CHODL: variants seen among roughly 807,000 people sequenced by gnomAD.
CHODL encodes transmembrane protein MT75.
A neutral mutation model predicts 34.5 loss-of-function variants in CHODL; 29 were observed. The observed-to-expected ratio is 0.84, with a 90% confidence interval of 0.63 to 1.15. CHODL has a LOEUF of 1.15. CHODL is among the 50% of genes most tolerant of loss of function. The probability of loss-of-function intolerance (pLI) is 0.00; values close to 1 mark genes in which losing one functional copy is unlikely to be tolerated. For missense variants in CHODL, 332 were observed against 332.5 expected (o/e 1.00, Z 0.01); for synonymous variants, 125 against 116.1 (o/e 1.08, Z -0.49).
chr21:18,189,958 A>C (rs900611449), intron 2 of CHODL, among the ~76,000 whole-genome samples: 1 of 152,112 alleles, frequency 6.6e-6, no homozygotes, highest in African/African-American at 2.4e-5. Flanking sequence ...TTTAAAGTGC[A>C]ATAGAAAATA....
At chr21:17,974,540 G>A (rs533026633) in intron 1 of CHODL, among the ~76,000 whole-genome samples, 25 of 152,204 alleles carry the variant, frequency 1.6e-4, no homozygotes, top group African/African-American at 5.3e-4. Flanking sequence ...GAAGTGCTGC[G>A]AGTACAAGCG....
rs867606242 is a variant in CHODL, at chr21:18,158,991, T to C, written c.-44-97518T>C. Among the ~76,000 whole-genome samples the C allele has an allele frequency of 2.1e-4, 32 of 152,358 alleles. 1 individual carries two copies. The Middle Eastern group carries it at 0.024, about 113-fold the overall frequency. ...TTTTTACCAACATTTGACAGCACTT[T>C]CTGGTTTTTGTTTTCAGTGGAATTC... is the stretch of plus-strand genomic sequence containing the variant. On this transcript the variant is annotated intron_variant, in intron 2 of 6. Transcript: ENST00000400127.
intron 2 of CHODL, among the ~76,000 whole-genome samples, chr21:18,067,356 A>G (rs565633118): frequency 1.3e-5 from 2 of 152,348 alleles, no homozygotes; most frequent in East Asian, 1.9e-4. Context: ...TGTTCATCCA[A>G]TATGACTGGT....
intron 2 of CHODL, among the ~76,000 whole-genome samples, chr21:18,233,771 G>A (rs2074004010): frequency 1.3e-5 from 2 of 151,952 alleles, no homozygotes; most frequent in Admixed American, 1.3e-4. Context: ...CTCCTCTAAA[G>A]AGCCAATTAA....
chr21:18,265,941 T>C lies in CHODL; in HGVS notation c.738-13T>C. The stretch of plus-strand genomic sequence containing the variant: ...AATTTTAGGCACTAAACATTTTTTC[T>C]TATGTTTTTCAGTAAAGGAAGAACA... On this transcript the variant is annotated splice_polypyrimidine_tract_variant and intron_variant, in intron 5 of 5. Coordinates refer to ENST00000299295, the MANE Select transcript of CHODL (RefSeq NM_024944.3). 2 of 1,605,268 alleles carry C rather than the reference T, an allele frequency of 1.2e-6. No individual in the cohort carries two copies. The highest frequency in any genetic ancestry group is 1.7e-6 in the Non-Finnish European group (2 of 1,176,664).
intron 2 of CHODL, among the ~76,000 whole-genome samples, chr21:18,039,911 T>G (rs959480127): frequency 1.3e-5 from 2 of 151,824 alleles, no homozygotes; most frequent in African/African-American, 4.8e-5. Context: ...TATATAGATA[T>G]TAGTTTTCAT....
chr21:18,259,047 A>G (rs1165530830), intron 3 of CHODL, among the ~76,000 whole-genome samples: 2 of 152,172 alleles, frequency 1.3e-5, no homozygotes, highest in African/African-American at 4.8e-5. Flanking sequence ...AAGAGTAACA[A>G]ATATTTCTAC....
chr21:17,935,690 C>T (rs940017433), intron 1 of CHODL, among the ~76,000 whole-genome samples: 2 of 152,090 alleles, frequency 1.3e-5, no homozygotes, highest in Non-Finnish European at 2.9e-5. Flanking sequence ...GCAGTGTATC[C>T]TGATATATTA....
At chr21:18,028,504 C>G (rs112093711) in intron 2 of CHODL, among the ~76,000 whole-genome samples, 10,307 of 151,668 alleles carry the variant, frequency 0.068, 450 homozygotes, top group African/African-American at 0.12. Context: ...CAAGACCAGC[C>G]TGACCAAACA....
intron 2 of CHODL, among the ~76,000 whole-genome samples, chr21:18,175,781 G>A (rs1259501942): frequency 1.3e-5 from 2 of 152,160 alleles, no homozygotes; most frequent in Non-Finnish European, 1.5e-5. Context: ...AGTCCTCTTT[G>A]AGGAGATGAC....
At chr21:17,958,389 A>C (rs1304965285) in intron 1 of CHODL, among the ~76,000 whole-genome samples, 1 of 152,162 alleles carries the variant, frequency 6.6e-6, no homozygotes, top group Non-Finnish European at 1.5e-5. Context: ...GACCATTGCC[A>C]AAAAAGAAGT....
intron 2 of CHODL, among the ~76,000 whole-genome samples, chr21:18,120,585 C>T (rs983640241): frequency 2.0e-5 from 3 of 152,006 alleles, no homozygotes; most frequent in Non-Finnish European, 2.9e-5. Context: ...CCAAGAGGAA[C>T]CTGTTTATTG....
intron 2 of CHODL, among the ~76,000 whole-genome samples, chr21:18,190,861 A>T (rs1258675298): frequency 6.6e-6 from 1 of 152,144 alleles, no homozygotes. Flanking sequence ...GAAATCCAAG[A>T]AAAATATTTT....
intron 2 of CHODL, among the ~76,000 whole-genome samples, chr21:18,132,495 A>G (rs2072669047): frequency 6.6e-6 from 1 of 152,142 alleles, no homozygotes; most frequent in Admixed American, 6.5e-5. Context: ...TAAAGTTCAA[A>G]CTTTATTGTT....
At chr21:17,949,094 G>T (rs2063435946) in intron 1 of CHODL, among the ~76,000 whole-genome samples, 1 of 152,138 alleles carries the variant, frequency 6.6e-6, no homozygotes, top group Non-Finnish European at 1.5e-5. Context: ...GGGCCCCTGA[G>T]TGTGGTGTTA....
intron 1 of CHODL, among the ~76,000 whole-genome samples, chr21:18,249,091 A>T (rs1359329415): frequency 3.0e-4 from 34 of 111,952 alleles, no homozygotes; most frequent in African/African-American, 1.5e-3. Flanking sequence ...ATATAATAAA[A>T]TATATATATA....
At chr21:18,088,707 A>C (rs573972139) in intron 2 of CHODL, among the ~76,000 whole-genome samples, 3 of 152,268 alleles carry the variant, frequency 2.0e-5, no homozygotes, top group African/African-American at 7.2e-5. Context: ...TCTCATAGAC[A>C]ATCTGTTTGA....
chr21:17,978,733 GA>G (rs34399713), intron 1 of CHODL, among the ~76,000 whole-genome samples: 80,223 of 139,558 alleles, frequency 0.57, 22,897 homozygotes, highest in African/African-American at 0.7. Context: ...GAAAAAAAAA[GA>G]AAAAAAAAAA....
chr21:18,123,204 G>T (rs1439012219), intron 2 of CHODL, among the ~76,000 whole-genome samples: 1 of 152,190 alleles, frequency 6.6e-6, no homozygotes, highest in African/African-American at 2.4e-5. Flanking sequence ...ACCCTCACTG[G>T]ATGCTGTGGT....
Sources: allele counts gnomAD v4.1 joint callset (sites outside exome capture counted in the v4.1 genomes callset), GRCh38; gene constraint gnomAD v4.1.1; transcripts MANE v1.5; gene names NCBI Gene and HGNC (gene_info 2026-07-23, HGNC 2026-07-21).